Variants in GPATCH8 observed in about 807,000 individuals in gnomAD.
The protein encoded by GPATCH8 is G-patch domain containing 8.
A neutral mutation model predicts 118.3 loss-of-function variants in GPATCH8; 18 were observed. That is an observed-to-expected ratio of 0.15 (90% CI 0.11 to 0.23). The LOEUF is 0.23. GPATCH8 is among the 10% of genes least tolerant of loss of function. The pLI, the probability that GPATCH8 is intolerant of heterozygous loss-of-function variation, is 1.00. For missense variants in GPATCH8, 1,631 were observed against 1,873.8 expected (o/e 0.87, Z 2.39); for synonymous variants, 659 against 684.7 (o/e 0.96, Z 0.59).
intron 3 of GPATCH8, among the ~76,000 whole-genome samples, chr17:44,448,625 T>C (rs768987003): frequency 6.6e-6 from 1 of 151,198 alleles, no homozygotes; most frequent in Non-Finnish European, 1.5e-5. Context: ...TATACCCTTT[T>C]GCTCACTTAA....
At chr17:44,435,028 C>T (rs1304257079) in intron 5 of GPATCH8, 37 bp downstream of exon 5, 4 of 875,452 alleles carry the variant, frequency 4.6e-6, no homozygotes, top group Non-Finnish European at 7.9e-6. Flanking sequence ...TCAGTGAGCA[C>T]CTCCCCATCT....
rs569620875 is a variant in GPATCH8, at chr17:44,399,531, T to C, written c.2546A>G (p.His849Arg). ...GCCAGACCTTGAGCGGCTGCGGGAATGCTCACTGCCTGAATCTTCCTCTTC... is the reference window on the plus strand; with the variant it reads ...GCCAGACCTTGAGCGGCTGCGGGAACGCTCACTGCCTGAATCTTCCTCTTC... The part of the protein sequence containing the change: ...EEEEEDSGSE[H>R]SRSRSRSGRR... The change falls in exon 8 of 8, where the codon CAT (histidine) becomes CGT (arginine). Residue 849 changes from histidine to arginine, a missense_variant. Physicochemically the swap from His to Arg is conservative, Grantham distance 29. Transcript: ENST00000591680. The C allele has an allele frequency of 1.9e-6, 3 of 1,614,230 alleles. No individual in the cohort carries two copies. The highest frequency in any genetic ancestry group is 1.3e-5 in the African/African-American group (1 of 75,064).
At chr17:44,463,810 A>C (rs1276875850) in intron 3 of GPATCH8, among the ~76,000 whole-genome samples, 1 of 152,238 alleles carries the variant, frequency 6.6e-6, no homozygotes, top group Non-Finnish European at 1.5e-5. Context: ...AGAAGCTGAA[A>C]TATTAGTATT....
chr17:44,452,687 C>T (rs1176321024), intron 3 of GPATCH8, among the ~76,000 whole-genome samples: 3 of 152,134 alleles, frequency 2.0e-5, no homozygotes, highest in African/African-American at 4.8e-5. Flanking sequence ...ATCACCAATG[C>T]CTGGCTGGGA....
At chr17:44,430,218 A>G (rs2050256078) in intron 5 of GPATCH8, among the ~76,000 whole-genome samples, 1 of 152,200 alleles carries the variant, frequency 6.6e-6, no homozygotes. Flanking sequence ...TGATACAAAG[A>G]CATTACAAGA....
chr17:44,467,174 GT>G (rs1022516306), intron 2 of GPATCH8: 6,903 of 510,356 alleles, frequency 0.014, 4 homozygotes, highest in South Asian at 0.02. Flanking sequence ...ACTAATGGTC[GT>G]TTTTTTTTTT....
At position 44,419,281 on chromosome 17, in the gene GPATCH8, T is replaced by C. The variant is rs778032862; in HGVS notation, c.492+5068A>G. Among the ~76,000 whole-genome samples, 3 of 152,204 alleles carry C rather than the reference T, an allele frequency of 2.0e-5. No homozygotes were observed. The East Asian group carries it at 5.8e-4, about 29-fold the overall frequency. ...CAGGGTTGAAAGTACTTACCTATTA[T>C]CTCAGATTCATAATAATCCTGTGTG... On this transcript the variant is annotated intron_variant, in intron 6 of 7. Coordinates refer to ENST00000591680, the MANE Select transcript of GPATCH8 (RefSeq NM_001002909.4).
chr17:44,464,936 T>G, intron 2 of GPATCH8: 1 of 172,144 alleles, frequency 5.8e-6, no homozygotes, highest in South Asian at 1.3e-4. Flanking sequence ...CTTTAAGATT[T>G]TTTTTTTTTT....
chr17:44,418,322 C>T (rs9902085), intron 6 of GPATCH8, among the ~76,000 whole-genome samples: 91,769 of 152,002 alleles, frequency 0.6, 27,916 homozygotes, highest in Middle Eastern at 0.67. Flanking sequence ...TCATATCCAT[C>T]AGCAGACAAA....
At chr17:44,480,255 T>TGA (rs1277413787) in intron 1 of GPATCH8, among the ~76,000 whole-genome samples, 3 of 151,980 alleles carry the variant, frequency 2.0e-5, no homozygotes, top group Non-Finnish European at 4.4e-5. Context: ...AATCACAATG[T>TGA]ATTACCACCA....
chr17:44,466,328 A>G (rs910297214), intron 2 of GPATCH8, among the ~76,000 whole-genome samples: 32 of 152,292 alleles, frequency 2.1e-4, no homozygotes, highest in African/African-American at 7.5e-4. Context: ...AACTGGAGGC[A>G]AATTATAACG....
At chr17:44,449,917 G>C (rs1244816329) in intron 3 of GPATCH8, among the ~76,000 whole-genome samples, 3 of 152,182 alleles carry the variant, frequency 2.0e-5, no homozygotes, top group Non-Finnish European at 4.4e-5. Context: ...GTTTAGTAAA[G>C]GTAGCTCCTA....
At chr17:44,442,084 T>C (rs1214178121) in intron 3 of GPATCH8, among the ~76,000 whole-genome samples, 1 of 88,242 alleles carries the variant, frequency 1.1e-5, no homozygotes, top group Non-Finnish European at 2.6e-5. Flanking sequence ...TATATATGTG[T>C]GTATATGTAT....
At chr17:44,445,839 A>G (rs564595254) in intron 3 of GPATCH8, 22 of 152,140 alleles carry the variant, frequency 1.4e-4, no homozygotes, top group Non-Finnish European at 2.8e-4. Context: ...GAATTCCAAA[A>G]GAAAAAATAT....
At chr17:44,409,180 TCTC>T (rs2049340642) in intron 6 of GPATCH8, 1 of 152,198 alleles carries the variant, frequency 6.6e-6, no homozygotes, top group Non-Finnish European at 1.5e-5. Context: ...CCAGTTCACT[TCTC>T]CTTAGGAAAC....
At chr17:44,422,016 C>T (rs1341189452) in intron 6 of GPATCH8, among the ~76,000 whole-genome samples, 1 of 152,160 alleles carries the variant, frequency 6.6e-6, no homozygotes, top group Non-Finnish European at 1.5e-5. Context: ...TGAGCCACTG[C>T]ACCTGGCCTA....
At chr17:44,442,120 TATAGAGAGAG>T (rs1352078401) in intron 3 of GPATCH8, among the ~76,000 whole-genome samples, 1 of 126,310 alleles carries the variant, frequency 7.9e-6, no homozygotes, top group Non-Finnish European at 1.7e-5. Context: ...TATATATATA[TATAGAGAGAG>T]AGAGAGAGAG....
chr17:44,400,069 C>G lies in GPATCH8; in HGVS notation c.2008G>C (p.Gly670Arg). 6.2e-7 allele frequency: 1 copy of G among 1,613,944 alleles called. No individual in the cohort carries two copies. Among genetic ancestry groups the G allele is most frequent in the African/African-American group, 1.3e-5 (1 of 75,002 alleles). ...TTCTTTTTGTGCCGGTGGGACTTCC[C>G]AGATCGTTCTTTCTTGCTGGGAAGG... Reference protein sequence around the residue: ...RSLPSKKERSGKSHRHKKKKK... With the variant: ...RSLPSKKERSRKSHRHKKKKK... Residue 670 changes from glycine to arginine, a missense_variant, in exon 8 of 8, where the codon GGG becomes CGG. By Grantham distance (125) the Gly-to-Arg change is moderately radical (BLOSUM62 -2). Around this residue, in one of 8 missense-constraint regions of GPATCH8, gnomAD observed 922 missense variants for 879.7 expected, o/e 1.05. Transcript: ENST00000591680.
At chr17:44,442,124 G>T (rs57676408) in intron 3 of GPATCH8, among the ~76,000 whole-genome samples, 11,145 of 134,544 alleles carry the variant, frequency 0.083, 606 homozygotes, top group East Asian at 0.17. Context: ...TATATATATA[G>T]AGAGAGAGAG....
Sources: gnomAD v4.1 joint callset for allele counts (sites outside exome capture counted in the v4.1 genomes callset) on GRCh38, gnomAD v4.1.1 for gene constraint, gnomAD v4.1.1 regional missense constraint, MANE v1.5 for transcripts, NCBI Gene and HGNC (gene_info 2026-07-23, HGNC 2026-07-21) for gene names.